Variants in SOX6 observed in about 807,000 individuals in gnomAD.
The protein encoded by SOX6 is SRY-box transcription factor 6, also known as transcription factor SOX-6.
SOX6 carries 11 observed loss-of-function variants against 97.8 expected under a neutral mutation model. The ratio of observed to expected loss-of-function variants is 0.11; its 90% CI spans 0.07 to 0.19. The LOEUF is 0.19. Ranked by LOEUF, SOX6 falls within the 10% of genes least tolerant of loss-of-function variation. SOX6 has a pLI of 1.00. For synonymous variants in SOX6, 360 were observed against 371.4 expected, an observed-to-expected ratio of 0.97 and a Z score of 0.35; for missense variants, 810 against 1,039.5, an observed-to-expected ratio of 0.78 and a Z score of 3.04.
At chr11:16,330,323 G>A (rs1249766532) in intron 2 of SOX6, among the ~76,000 whole-genome samples, 1 of 152,174 alleles carries the variant, frequency 6.6e-6, no homozygotes, top group African/African-American at 2.4e-5. Flanking sequence ...GGAGGCCGAG[G>A]CGGGCAAATC....
intron 9 of SOX6, among the ~76,000 whole-genome samples, chr11:16,062,979 C>T (rs1199475353): frequency 6.6e-6 from 1 of 151,758 alleles, no homozygotes; most frequent in Non-Finnish European, 1.5e-5. Context: ...AAGAAGAACT[C>T]TCTAGCTATC....
At chr11:16,517,105 A>G (rs1389105101) in intron 4 of SOX6, among the ~76,000 whole-genome samples, 1 of 151,352 alleles carries the variant, frequency 6.6e-6, no homozygotes, top group Non-Finnish European at 1.5e-5. Context: ...AGATGCAGAA[A>G]AGGCCTTTGA....
intron 3 of SOX6, among the ~76,000 whole-genome samples, chr11:16,652,165 C>A (rs909384829): frequency 2.6e-5 from 4 of 152,036 alleles, no homozygotes; most frequent in Middle Eastern, 3.2e-3. Flanking sequence ...AGAATCAATA[C>A]TGTGAAAATG....
intron 3 of SOX6, among the ~76,000 whole-genome samples, chr11:16,637,913 CTT>C (rs879508621): frequency 4.4e-5 from 6 of 137,474 alleles, no homozygotes; most frequent in African/African-American, 5.3e-5. Flanking sequence ...GGGTCTCATT[CTT>C]TTTTTTTTTT....
chr11:16,457,784 T>G (rs1383906986), intron 1 of SOX6, among the ~76,000 whole-genome samples: 4 of 152,092 alleles, frequency 2.6e-5, no homozygotes, highest in Admixed American at 6.6e-5. Context: ...AAAAAGTATG[T>G]TGAGTTTTAG....
chr11:16,049,999 TAGTA>T lies in SOX6; in HGVS notation c.1252-65_1252-62del, dbSNP rs1847646791. ...AAGACAAATGAAGCACATTATCACT[TAGTA>T]AGCCACAGTTATTTTACACCTCAGA... On this transcript the variant is annotated intron_variant, in intron 10 of 15. Transcript: ENST00000683767. The T allele has an allele frequency of 2.7e-5, 42 of 1,559,096 alleles. No homozygotes were observed. The South Asian group carries it at 4.3e-4, about 16-fold the overall frequency.
At chr11:16,270,802 C>T (rs894813482) in intron 3 of SOX6, among the ~76,000 whole-genome samples, 1 of 151,254 alleles carries the variant, frequency 6.6e-6, no homozygotes, top group East Asian at 1.9e-4. Context: ...TCTACCTAGT[C>T]ATATCTAGAA....
chr11:16,103,319 G>A (rs1848996586), intron 7 of SOX6, among the ~76,000 whole-genome samples: 1 of 151,164 alleles, frequency 6.6e-6, no homozygotes, highest in Non-Finnish European at 1.5e-5. Context: ...AAAACCACAA[G>A]GCAATACCAC....
At chr11:16,250,737 G>T (rs538882344) in intron 3 of SOX6, among the ~76,000 whole-genome samples, 1 of 152,084 alleles carries the variant, frequency 6.6e-6, no homozygotes, top group Admixed American at 6.5e-5. Context: ...ACATGATTGA[G>T]ATTTTAACAT....
At chr11:16,659,708 T>C (rs1458460548) in intron 3 of SOX6, among the ~76,000 whole-genome samples, 2 of 152,172 alleles carry the variant, frequency 1.3e-5, no homozygotes, top group African/African-American at 2.4e-5. Context: ...AGAATTAGTA[T>C]GATTTTTTTC....
At chr11:16,602,606 C>G (rs1483051971) in intron 4 of SOX6, among the ~76,000 whole-genome samples, 2 of 152,190 alleles carry the variant, frequency 1.3e-5, no homozygotes, top group Non-Finnish European at 2.9e-5. Context: ...CTAAATCAGT[C>G]ATAACTTTTC....
chr11:16,655,561 C>T (rs1428974912), intron 3 of SOX6, among the ~76,000 whole-genome samples: 1 of 152,236 alleles, frequency 6.6e-6, no homozygotes, highest in African/African-American at 2.4e-5. Flanking sequence ...CTGCTCAGTA[C>T]TCAAAGTATA....
intron 12 of SOX6, among the ~76,000 whole-genome samples, chr11:16,035,558 A>G (rs1209791313): frequency 4.6e-5 from 7 of 152,178 alleles, no homozygotes; most frequent in African/African-American, 1.7e-4. Flanking sequence ...CTCACCTATT[A>G]CTAAGAACAC....
chr11:16,646,323 G>T (rs926033371), intron 3 of SOX6: 1 of 152,062 alleles, frequency 6.6e-6, no homozygotes, highest in Non-Finnish European at 1.5e-5. Flanking sequence ...AGTGTGGGAA[G>T]GTGAGAAAGG....
chr11:16,497,793 G>A (rs1442933802), intron 4 of SOX6, among the ~76,000 whole-genome samples: 1 of 152,176 alleles, frequency 6.6e-6, no homozygotes, highest in Non-Finnish European at 1.5e-5. Flanking sequence ...AATGAACAAA[G>A]CCTCCAAGAA....
chr11:15,981,085 G>T (rs773200977), intron 15 of SOX6, among the ~76,000 whole-genome samples: 7 of 152,074 alleles, frequency 4.6e-5, no homozygotes, highest in Admixed American at 1.3e-4. Context: ...AATCCAGCCA[G>T]CAGGTTCAAG....
chr11:16,668,626 A>T (rs75639332), intron 3 of SOX6, among the ~76,000 whole-genome samples: 2,043 of 152,328 alleles, frequency 0.013, 48 homozygotes, highest in African/African-American at 0.047. Flanking sequence ...AATGGATTAA[A>T]CAAATAAGAC....
chr11:16,533,185 T>C (rs1164762527), intron 4 of SOX6, among the ~76,000 whole-genome samples: 1 of 151,996 alleles, frequency 6.6e-6, no homozygotes, highest in East Asian at 1.9e-4. Context: ...AAAGAAATCA[T>C]TAAAATGTTC....
At chr11:16,504,681 C>T (rs748343792) in intron 4 of SOX6, among the ~76,000 whole-genome samples, 21 of 152,084 alleles carry the variant, frequency 1.4e-4, no homozygotes, top group East Asian at 5.8e-4. Context: ...CCCTGCCCCC[C>T]GCCCAAAATC....
Sources: gnomAD v4.1 joint callset for allele counts (sites outside exome capture counted in the v4.1 genomes callset) on GRCh38, gnomAD v4.1.1 for gene constraint, MANE v1.5 for transcripts, NCBI Gene and HGNC (gene_info 2026-07-23, HGNC 2026-07-21) for gene names.